The following PPP3CA variants were observed in gnomAD, a reference collection of about 807,000 sequenced individuals.
PPP3CA encodes CAM-PRP catalytic subunit.
PPP3CA carries 14 observed loss-of-function variants against 66.5 expected under a neutral mutation model. That is an observed-to-expected ratio of 0.21 (90% CI 0.14 to 0.33). The LOEUF (loss-of-function observed/expected upper bound fraction) is 0.33, where lower values mean the gene tolerates loss of function less well. Among genes scored for constraint, PPP3CA ranks in the 10% least tolerant of loss-of-function variants. PPP3CA has a pLI of 1.00. For missense variants in PPP3CA, 317 were observed against 639.5 expected (o/e 0.50, Z 5.44); for synonymous variants, 232 against 226.2 (o/e 1.03, Z -0.23).
chr4:101,066,563 T>G (rs1470173719), intron 8 of PPP3CA, among the ~76,000 whole-genome samples: 1 of 152,156 alleles, frequency 6.6e-6, no homozygotes, highest in Non-Finnish European at 1.5e-5. Flanking sequence ...ACTACAACAA[T>G]ATGTATTCTT....
At position 101,347,423 on chromosome 4, in the gene PPP3CA, C is replaced by T. The variant is rs1236480462; in HGVS notation, c.-627G>A. 6.0e-6 allele frequency: 1 copy of T among 167,280 alleles called. No individual in the cohort carries two copies. Among genetic ancestry groups the T allele is most frequent in the Non-Finnish European group, 1.3e-5 (1 of 79,060 alleles). 10.4% of individuals were successfully genotyped at this position (167,280 alleles called of 1,614,324 possible). Reference sequence around the variant, plus strand: ...TGGTGCCGCGGCCGCCGGAGACGTCCCGCCGCCGCGATCGCCCGCGCTCGC... The same window carrying T: ...TGGTGCCGCGGCCGCCGGAGACGTCTCGCCGCCGCGATCGCCCGCGCTCGC... On this transcript the variant is annotated 5_prime_UTR_variant, in exon 1 of 14. Transcript: ENST00000394854.
At chr4:101,119,984 T>C (rs1212638951) in intron 2 of PPP3CA, among the ~76,000 whole-genome samples, 1 of 152,148 alleles carries the variant, frequency 6.6e-6, no homozygotes, top group South Asian at 2.1e-4. Context: ...TAATTGTGAA[T>C]TGATAAATTA....
intron 1 of PPP3CA, among the ~76,000 whole-genome samples, chr4:101,247,932 G>A (rs977282744): frequency 5.3e-5 from 8 of 151,970 alleles, no homozygotes; most frequent in African/African-American, 1.7e-4. Flanking sequence ...CTCTATATAT[G>A]TGTGTATACA....
chr4:101,338,097 C>T (rs148273031), intron 1 of PPP3CA, among the ~76,000 whole-genome samples: 163 of 152,270 alleles, frequency 1.1e-3, no homozygotes, highest in Non-Finnish European at 1.8e-3. Context: ...ATGGCTCTCC[C>T]CTCAATTTAG....
chr4:101,041,744 T>A (rs994719754), intron 10 of PPP3CA, among the ~76,000 whole-genome samples: 2 of 152,114 alleles, frequency 1.3e-5, no homozygotes, highest in Non-Finnish European at 2.9e-5. Context: ...AAGATTTTTA[T>A]AATCCAAGGT....
At chr4:101,183,956 C>G (rs1352798695) in intron 2 of PPP3CA, among the ~76,000 whole-genome samples, 1 of 152,118 alleles carries the variant, frequency 6.6e-6, no homozygotes, top group Non-Finnish European at 1.5e-5. Context: ...CAGAGGCTTT[C>G]TAACTGTAAG....
Position 101,061,160 on chromosome 4 carries a change from C to T in PPP3CA, c.1083G>A (p.Val361=), listed in dbSNP as rs571284034. The T allele has an allele frequency of 1.1e-5, 18 of 1,611,060 alleles. No homozygotes were observed. In the South Asian group the frequency reaches 1.8e-4, roughly 16 times the overall value. Residue 361 remains valine, a splice_region_variant and synonymous_variant, in exon 10 of 14, where the codon GTG becomes GTA. Coordinates refer to ENST00000394854, the MANE Select transcript of PPP3CA (RefSeq NM_000944.5). Reference sequence around the variant, plus strand: ...TGAGGACATTTACCAGCATCTCAGTCACTAAAGAGAGAAAGCAAAGAAAGA... The same window carrying T: ...TGAGGACATTTACCAGCATCTCAGTTACTAAAGAGAGAAAGCAAAGAAAGA... The part of the protein sequence containing the change: ...TWSLPFVGEK[V]TEMLVNVLNI...
At chr4:101,106,070 C>A (rs1473400604) in intron 3 of PPP3CA, among the ~76,000 whole-genome samples, 1 of 151,994 alleles carries the variant, frequency 6.6e-6, no homozygotes, top group Non-Finnish European at 1.5e-5. Context: ...ACTTTGTAAT[C>A]TGAGCACTTT....
intron 1 of PPP3CA, among the ~76,000 whole-genome samples, chr4:101,338,322 C>T (rs1729701474): frequency 6.6e-6 from 1 of 152,218 alleles, no homozygotes; most frequent in Admixed American, 6.5e-5. Context: ...AAACACACTT[C>T]TACAAAGACT....
chr4:101,036,633 C>T (rs1404626361), intron 11 of PPP3CA, among the ~76,000 whole-genome samples: 5 of 152,118 alleles, frequency 3.3e-5, no homozygotes, highest in African/African-American at 1.2e-4. Flanking sequence ...AGGATGGTCT[C>T]GATCTCCTGA....
intron 1 of PPP3CA, among the ~76,000 whole-genome samples, chr4:101,288,756 A>G (rs974764309): frequency 6.6e-6 from 1 of 152,196 alleles, no homozygotes; most frequent in Non-Finnish European, 1.5e-5. Flanking sequence ...GCAGCTGTGT[A>G]AATATTTTAA....
intron 1 of PPP3CA, among the ~76,000 whole-genome samples, chr4:101,310,890 A>C (rs1375562685): frequency 6.6e-6 from 1 of 152,196 alleles, no homozygotes; most frequent in Non-Finnish European, 1.5e-5. Context: ...TGAAAGCAGC[A>C]AACAACTTCA....
Position 101,196,037 on chromosome 4 carries a change from T to C in PPP3CA, c.138A>G (p.Leu46=), listed in dbSNP as rs143169609. The change falls in exon 2 of 14, where the codon TTA becomes TTG. Residue 46 remains leucine (L), a synonymous_variant. Transcript: ENST00000394854. ...TTCCCTCCTTCATAAGATGCGCCTT[T>C]AAGATATCCACACGAGGTTTTCCAT... ...DNDGKPRVDI[L]KAHLMKEGRL... The C allele has an allele frequency of 2.2e-4, 347 of 1,613,916 alleles. 2 individuals carry two copies. The highest frequency in any genetic ancestry group is 3.1e-5 in the Non-Finnish European group (36 of 1,179,994).
intron 1 of PPP3CA, among the ~76,000 whole-genome samples, chr4:101,265,088 T>C (rs764779466): frequency 5.9e-5 from 9 of 152,124 alleles, no homozygotes; most frequent in Admixed American, 3.9e-4. Context: ...TTTTGTTGTA[T>C]TGTAGGTTAT....
At chr4:101,345,221 G>C (rs773122988) in intron 1 of PPP3CA, among the ~76,000 whole-genome samples, 1 of 152,092 alleles carries the variant, frequency 6.6e-6, no homozygotes, top group Non-Finnish European at 1.5e-5. Context: ...AAGATATTTT[G>C]TTCTTTCTGA....
chr4:101,068,075 TGAA>T (rs2110230052), intron 8 of PPP3CA, among the ~76,000 whole-genome samples: 1 of 152,238 alleles, frequency 6.6e-6, no homozygotes, highest in East Asian at 1.9e-4. Flanking sequence ...AAAAATGACT[TGAA>T]TTTTATTCCT....
intron 2 of PPP3CA, among the ~76,000 whole-genome samples, chr4:101,166,228 T>G (rs945854969): frequency 2.0e-5 from 3 of 152,158 alleles, no homozygotes; most frequent in Non-Finnish European, 2.9e-5. Context: ...ATCACTTAGA[T>G]TTTCCTTTCA....
Position 101,063,303 on chromosome 4 carries a change from G to C in PPP3CA, c.1010C>G (p.Ser337Cys). The C allele has an allele frequency of 6.2e-7, 1 of 1,611,244 alleles. No homozygotes were observed. Among genetic ancestry groups the C allele is most frequent in the Non-Finnish European group, 8.5e-7 (1 of 1,178,134 alleles). The change falls in exon 9 of 14, where the codon TCT (serine) becomes TGT (cysteine). Residue 337 changes from serine (S) to cysteine (C), a missense_variant. Physicochemically the swap from Ser to Cys is moderately radical, Grantham distance 112. Transcript: ENST00000394854. ...NVMNIRQFNCSPHPYWLPNFM... is the reference protein window; with the variant it reads ...NVMNIRQFNCCPHPYWLPNFM... ...ATTTGGAAGCCAGTATGGATGAGGA[G>C]AACAGTTGAATTGCCTGATATTCAT...
intron 5 of PPP3CA, among the ~76,000 whole-genome samples, chr4:101,096,216 A>AATG (rs1225128468): frequency 1.3e-5 from 2 of 152,184 alleles, no homozygotes; most frequent in African/African-American, 4.8e-5. Context: ...GAAGAACTTG[A>AATG]ATGTTTTATT....
Sources: allele counts gnomAD v4.1 joint callset (sites outside exome capture counted in the v4.1 genomes callset), GRCh38; gene constraint gnomAD v4.1.1; transcripts MANE v1.5; gene names NCBI Gene and HGNC (gene_info 2026-07-23, HGNC 2026-07-21).